The following PLAC1 variants were observed in gnomAD, a reference collection of about 807,000 sequenced individuals.
The protein encoded by PLAC1 is placenta associated 1, also known as placenta-specific protein 1.
For synonymous variants in PLAC1, 68 were observed against 62.1 expected (o/e 1.09, Z -0.44); for missense variants, 136 against 163.2 (o/e 0.83, Z 0.91).
At chrX:134,577,501 C>T (rs1209175938) in intron 2 of PLAC1, among the ~76,000 whole-genome samples, 1 of 111,469 alleles carries the variant, frequency 9.0e-6, no homozygotes, top group East Asian at 2.8e-4. Flanking sequence ...CCAGCCTGGC[C>T]AACATGGTGA....
intron 2 of PLAC1, among the ~76,000 whole-genome samples, chrX:134,728,075 T>C (rs1414135461): frequency 8.0e-5 from 9 of 112,050 alleles, no homozygotes; most frequent in African/African-American, 2.9e-4. Context: ...AAGATACTTA[T>C]ATTATCCAGC....
intron 1 of PLAC1, among the ~76,000 whole-genome samples, chrX:134,746,772 G>T (rs2147849595): frequency 8.9e-6 from 1 of 112,174 alleles, no homozygotes; most frequent in Non-Finnish European, 1.9e-5. Context: ...AAACCAATCT[G>T]CACAATTTGA....
intron 1 of PLAC1, among the ~76,000 whole-genome samples, chrX:134,625,232 G>A (rs1022767674): frequency 8.9e-5 from 10 of 112,243 alleles, no homozygotes; most frequent in Non-Finnish European, 1.7e-4. Flanking sequence ...CTTGGTTTAG[G>A]AGGGAAGGCA....
At chrX:134,644,324 A>G (rs1207046379) in intron 1 of PLAC1, among the ~76,000 whole-genome samples, 2 of 111,844 alleles carry the variant, frequency 1.8e-5, no homozygotes, top group Non-Finnish European at 3.8e-5. Flanking sequence ...GTATTCCAGT[A>G]TCAACTTTTT....
chrX:134,579,139 TAG>T lies in PLAC1; in HGVS notation c.-58-12401_-58-12400del, dbSNP rs772702627. 2.9e-3 allele frequency among the ~76,000 whole-genome samples: 325 copies of T among 110,722 alleles called. 1 individual carries two copies. Among genetic ancestry groups the T allele is most frequent in the African/African-American group, 0.01 (309 of 30,442 alleles). On this transcript the variant is annotated intron_variant, in intron 2 of 2. Coordinates refer to ENST00000359237, the MANE Select transcript of PLAC1 (RefSeq NM_021796.4). ...TGCTTTAATTTGGATATCTTTTGTC[TAG>T]AGATTCCCCAGCCCTACCCCAATAG...
intron 2 of PLAC1, among the ~76,000 whole-genome samples, chrX:134,726,227 T>C (rs1391912926): frequency 1.8e-5 from 2 of 111,022 alleles, no homozygotes; most frequent in Non-Finnish European, 3.8e-5. Context: ...GACAAATTTA[T>C]TGTGCTTTAA....
chrX:134,567,813 AGG>A (rs761190474), intron 2 of PLAC1, among the ~76,000 whole-genome samples: 19 of 50,540 alleles, frequency 3.8e-4, no homozygotes, highest in Admixed American at 9.7e-4. Context: ...AGAGAGAGAG[AGG>A]GAGGGAGGGA....
intron 2 of PLAC1, among the ~76,000 whole-genome samples, chrX:134,697,475 T>G (rs903178280): frequency 1.8e-5 from 2 of 112,675 alleles, no homozygotes; most frequent in Admixed American, 1.9e-4. Flanking sequence ...ATTCGTTCAT[T>G]CATTCATTTA....
chrX:134,625,105 T>C (rs187872125), intron 1 of PLAC1, among the ~76,000 whole-genome samples: 2 of 111,673 alleles, frequency 1.8e-5, no homozygotes, highest in Admixed American at 1.9e-4. Context: ...ATCTTACAAA[T>C]AACCAAATGA....
At chrX:134,604,372 C>T (rs1022069974) in intron 1 of PLAC1, 1 of 112,575 alleles carries the variant, frequency 8.9e-6, no homozygotes, top group Non-Finnish European at 1.9e-5. Flanking sequence ...CTACTGACTT[C>T]CCCTTTTGTG....
chrX:134,636,119 C>T (rs925044042), intron 1 of PLAC1, among the ~76,000 whole-genome samples: 1 of 110,303 alleles, frequency 9.1e-6, no homozygotes, highest in Non-Finnish European at 1.9e-5. Flanking sequence ...TTGTTCCTAC[C>T]CCAAATCCCA....
chrX:134,683,722 A>T (rs760444836), intron 2 of PLAC1, among the ~76,000 whole-genome samples: 5 of 111,690 alleles, frequency 4.5e-5, no homozygotes, highest in Non-Finnish European at 9.4e-5. Context: ...CCACACTAGC[A>T]TTGTGACAAG....
intron 1 of PLAC1, among the ~76,000 whole-genome samples, chrX:134,647,072 TCAGAAGTGGGGA>T (rs2078337020): frequency 8.9e-6 from 1 of 111,761 alleles, no homozygotes; most frequent in African/African-American, 3.3e-5. Flanking sequence ...GCTGCTGGTG[TCAGAAGTGGGGA>T]CAGAACCTGA....
intron 1 of PLAC1, among the ~76,000 whole-genome samples, chrX:134,736,884 A>G (rs1219486522): frequency 8.9e-6 from 1 of 112,417 alleles, no homozygotes; most frequent in Admixed American, 9.4e-5. Context: ...AGGACACCAC[A>G]AGATTGATCA....
rs1035328392 is a variant in PLAC1, at chrX:134,655,518, C to T, written c.-131+2810G>A. Among the ~76,000 whole-genome samples the T allele has an allele frequency of 2.7e-5, 3 of 111,888 alleles. No individual in the cohort carries two copies. The East Asian group carries it at 8.3e-4, about 31-fold the overall frequency. ...TCCTAATATAATCTAATTTCCAATC[C>T]ATATTCAAATTGCCCCAATATTCCC... On this transcript the variant is annotated intron_variant, in intron 1 of 2. Transcript: ENST00000359237.
intron 1 of PLAC1, among the ~76,000 whole-genome samples, chrX:134,749,142 C>A (rs2078735645): frequency 9.0e-6 from 1 of 111,619 alleles, no homozygotes; most frequent in African/African-American, 3.3e-5. Flanking sequence ...CATGATGAAA[C>A]CCTGTCTCTA....
intron 2 of PLAC1, among the ~76,000 whole-genome samples, chrX:134,722,883 A>C (rs935749040): frequency 9.1e-6 from 1 of 109,844 alleles, no homozygotes; most frequent in Non-Finnish European, 1.9e-5. Context: ...GAAAGGTGAG[A>C]GCATACAGTC....
intron 2 of PLAC1, among the ~76,000 whole-genome samples, chrX:134,714,369 C>T (rs1238863395): frequency 1.8e-5 from 2 of 109,452 alleles, no homozygotes; most frequent in Non-Finnish European, 3.8e-5. Context: ...TGGAAACTGG[C>T]TGCCTTCTCA....
intron 1 of PLAC1, among the ~76,000 whole-genome samples, chrX:134,623,614 G>C (rs886150919): frequency 3.6e-5 from 4 of 111,938 alleles, no homozygotes; most frequent in African/African-American, 1.3e-4. Flanking sequence ...TGCTAGCTCA[G>C]GGATCTCTGC....
Sources: allele counts gnomAD v4.1 joint callset (sites outside exome capture counted in the v4.1 genomes callset), GRCh38; gene constraint gnomAD v4.1.1; transcripts MANE v1.5; gene names NCBI Gene and HGNC (gene_info 2026-07-23, HGNC 2026-07-21).